PRKD3: variants seen among roughly 807,000 people sequenced by gnomAD.
The protein encoded by PRKD3 is protein kinase D3, also known as serine/threonine-protein kinase D3.
In PRKD3, 47 loss-of-function variants were observed where a neutral mutation model predicts 99.2. The ratio of observed to expected loss-of-function variants is 0.47; its 90% CI spans 0.38 to 0.60. The LOEUF (loss-of-function observed/expected upper bound fraction) is 0.60. Ranked by LOEUF, PRKD3 falls within the 20% of genes least tolerant of loss-of-function variation. The pLI, the probability that PRKD3 is intolerant of heterozygous loss-of-function variation, is 0.00. For synonymous variants in PRKD3, 392 were observed against 355.4 expected, an observed-to-expected ratio of 1.10 and a Z score of -1.16; for missense variants, 1,019 against 1,088.4, an observed-to-expected ratio of 0.94 and a Z score of 0.90.
intron 14 of PRKD3, among the ~76,000 whole-genome samples, chr2:37,266,930 C>T (rs993503064): frequency 1.1e-4 from 16 of 152,142 alleles, no homozygotes; most frequent in Admixed American, 5.2e-4. Flanking sequence ...AGATGACCGC[C>T]CCCAAGGGGT....
At chr2:37,270,858 A>G (rs567341077) in intron 12 of PRKD3, among the ~76,000 whole-genome samples, 1 of 152,208 alleles carries the variant, frequency 6.6e-6, no homozygotes, top group African/African-American at 2.4e-5. Flanking sequence ...ATGTATGTGT[A>G]TATATATTTG....
intron 12 of PRKD3, among the ~76,000 whole-genome samples, chr2:37,270,287 AAAAAATT>A (rs1440423222): frequency 6.6e-6 from 1 of 152,058 alleles, no homozygotes; most frequent in African/African-American, 2.4e-5. Context: ...ATCTACCTAA[AAAAAATT>A]AAAAATGAAA....
At chr2:37,291,964 G>A (rs2124842616) in intron 3 of PRKD3, among the ~76,000 whole-genome samples, 1 of 152,200 alleles carries the variant, frequency 6.6e-6, no homozygotes, top group Middle Eastern at 3.4e-3. Flanking sequence ...CATTGCTGCA[G>A]GATGAGATGG....
intron 2 of PRKD3, among the ~76,000 whole-genome samples, chr2:37,297,431 A>G: frequency 6.6e-6 from 1 of 152,214 alleles, no homozygotes; most frequent in Non-Finnish European, 1.5e-5. Flanking sequence ...CCCTATTATT[A>G]ACATTGTACA....
At chr2:37,309,678 T>C (rs1380416762) in intron 2 of PRKD3, among the ~76,000 whole-genome samples, 1 of 152,004 alleles carries the variant, frequency 6.6e-6, no homozygotes, top group Non-Finnish European at 1.5e-5. Flanking sequence ...TGAAACCCTG[T>C]CTCTACTAAA....
intron 3 of PRKD3, among the ~76,000 whole-genome samples, chr2:37,292,591 C>T (rs1160523042): frequency 6.6e-6 from 1 of 152,062 alleles, no homozygotes; most frequent in Non-Finnish European, 1.5e-5. Flanking sequence ...CGTGATCCGC[C>T]CGCCTCGGCC....
At chr2:37,321,061 C>G (rs951515626) in intron 1 of PRKD3, among the ~76,000 whole-genome samples, 15 of 152,286 alleles carry the variant, frequency 9.8e-5, no homozygotes, top group African/African-American at 3.6e-4. Context: ...ATAACTGTAA[C>G]TTACATGAAC....
chr2:37,264,253 A>G (rs534986048), intron 14 of PRKD3, among the ~76,000 whole-genome samples: 2 of 152,330 alleles, frequency 1.3e-5, no homozygotes, highest in South Asian at 2.1e-4. Context: ...GAGTCATTCC[A>G]AAGTTTTTTT....
intron 2 of PRKD3, among the ~76,000 whole-genome samples, chr2:37,296,857 A>G (rs1010202613): frequency 1.4e-5 from 2 of 144,678 alleles, no homozygotes; most frequent in African/African-American, 5.1e-5. Context: ...CTGAGATGGC[A>G]CCACCGCACT....
In PRKD3 at chr2:37,290,954, T is replaced by G; in HGVS notation, c.473A>C (p.Tyr158Ser). 1.2e-6 allele frequency: 2 copies of G among 1,608,088 alleles called. No individual in the cohort carries two copies. The highest frequency in any genetic ancestry group is 1.7e-6 in the Non-Finnish European group (2 of 1,174,610). The change falls in exon 4 of 19, where the codon TAT (tyrosine) becomes TCT (serine). Residue 158 changes from tyrosine to serine, a missense_variant. Coordinates refer to ENST00000234179, the MANE Select transcript of PRKD3 (RefSeq NM_005813.6). ...EDFQIRPHTL[Y>S]VHSYKAPTFC... is the part of the protein sequence containing the mutation. ...AGTAGGAGCTTTGTAAGAATGTACA[T>G]AGAGAGTATGTGGACGAATCTGGAA...
At chr2:37,257,148 C>CG (rs1257276056) in intron 16 of PRKD3, among the ~76,000 whole-genome samples, 1 of 152,106 alleles carries the variant, frequency 6.6e-6, no homozygotes, top group African/African-American at 2.4e-5. Flanking sequence ...AAGAGCTTTC[C>CG]TAGTACATAT....
chr2:37,271,470 C>G (rs1054447987), intron 12 of PRKD3, among the ~76,000 whole-genome samples: 2 of 152,206 alleles, frequency 1.3e-5, no homozygotes, highest in Admixed American at 1.3e-4. Flanking sequence ...CTTGTCACAA[C>G]CACATAGCTG....
rs114892120 is a variant in PRKD3 at position 37,307,610 on chromosome 2, G to A, written c.288+8627C>T. ...GTTCTTTACCAAATGTCTACTAAATGTAAGACATCTCTGAGGATAAAAGAT... is the reference window on the plus strand; with the variant it reads ...GTTCTTTACCAAATGTCTACTAAATATAAGACATCTCTGAGGATAAAAGAT... On this transcript the variant is annotated intron_variant, in intron 2 of 18. Transcript: ENST00000234179. 6.1e-3 allele frequency among the ~76,000 whole-genome samples: 931 copies of A among 152,256 alleles called. 7 individuals are homozygous for A. The highest frequency in any genetic ancestry group is 0.022 in the African/African-American group (898 of 41,544).
chr2:37,282,488 A>T, intron 7 of PRKD3, 54 bp downstream of exon 7: 2 of 1,147,504 alleles, frequency 1.7e-6, no homozygotes, highest in Non-Finnish European at 2.6e-6. Context: ...ATAATACACC[A>T]AAGAATCATG....
At chr2:37,315,759 G>A (rs975527438) in intron 2 of PRKD3, among the ~76,000 whole-genome samples, 1 of 152,130 alleles carries the variant, frequency 6.6e-6, no homozygotes, top group Non-Finnish European at 1.5e-5. Context: ...CTCTGTTGCC[G>A]TGCCAGGCTG....
rs116136921 is a variant in PRKD3 at position 37,258,001 on chromosome 2, C to T, written c.2146-1072G>A. ...TTGATGAGCTTGGCAGAACTCAGAACACTTATCTTGCTGCCCAGATTTTTC... is the reference window on the plus strand; with the variant it reads ...TTGATGAGCTTGGCAGAACTCAGAATACTTATCTTGCTGCCCAGATTTTTC... On this transcript the variant is annotated intron_variant, in intron 16 of 18. Transcript: ENST00000234179. Among the ~76,000 whole-genome samples the T allele has an allele frequency of 4.8e-3, 730 of 152,284 alleles. 5 individuals are homozygous for T. Among genetic ancestry groups the T allele is most frequent in the African/African-American group, 0.017 (706 of 41,558 alleles).
chr2:37,269,592 T>G, intron 13 of PRKD3, 23 bp downstream of exon 13: 1 of 1,585,258 alleles, frequency 6.3e-7, no homozygotes, highest in Non-Finnish European at 8.7e-7. Context: ...GTGTACAATA[T>G]GCAAACGGCT....
intron 18 of PRKD3, among the ~76,000 whole-genome samples, chr2:37,253,935 AAT>A (rs1173471581): frequency 6.6e-6 from 1 of 152,236 alleles, no homozygotes; most frequent in African/African-American, 2.4e-5. Context: ...TTGATAAATT[AAT>A]ATGTCATACT....
chr2:37,256,123 C>T (rs912112341), intron 17 of PRKD3, among the ~76,000 whole-genome samples: 41 of 152,222 alleles, frequency 2.7e-4, no homozygotes, highest in African/African-American at 8.9e-4. Context: ...ATTAAGGGGT[C>T]CTCGAATTTT....
Sources: gnomAD v4.1 joint callset for allele counts (sites outside exome capture counted in the v4.1 genomes callset) on GRCh38, gnomAD v4.1.1 for gene constraint, MANE v1.5 for transcripts, NCBI Gene and HGNC (gene_info 2026-07-23, HGNC 2026-07-21) for gene names.